The following CCDC192 variants were observed in gnomAD, a reference collection of about 807,000 sequenced individuals.
CCDC192 encodes the protein coiled-coil domain containing 192, also known as coiled-coil domain-containing protein 192.
chr5:127,732,943 G>T (rs1356985191), intron 2 of CCDC192, among the ~76,000 whole-genome samples: 1 of 152,066 alleles, frequency 6.6e-6, no homozygotes, highest in Non-Finnish European at 1.5e-5. Context: ...AATCACCATG[G>T]CACACGTTTA....
intron 2 of CCDC192, among the ~76,000 whole-genome samples, chr5:127,713,601 G>A (rs1751459736): frequency 6.6e-6 from 1 of 152,032 alleles, no homozygotes; most frequent in Non-Finnish European, 1.5e-5. Context: ...CATGGACCAC[G>A]CTTTGACATC....
chr5:127,719,044 C>G (rs1239391816), intron 2 of CCDC192, among the ~76,000 whole-genome samples: 1 of 152,000 alleles, frequency 6.6e-6, no homozygotes, highest in African/African-American at 2.4e-5. Flanking sequence ...CCTCACTTCC[C>G]CACACAGACC....
chr5:127,933,246 G>C (rs560187907), intron 6 of CCDC192, among the ~76,000 whole-genome samples: 3 of 152,316 alleles, frequency 2.0e-5, no homozygotes, highest in African/African-American at 7.2e-5. Context: ...ACGAAAAGTC[G>C]CTGGAGGATT....
chr5:127,716,065 T>C (rs1323996359), intron 2 of CCDC192, among the ~76,000 whole-genome samples: 1 of 152,218 alleles, frequency 6.6e-6, no homozygotes, highest in Admixed American at 6.5e-5. Flanking sequence ...AGATTCCTTC[T>C]ATACCAAATT....
At chr5:127,763,482 A>G (rs1258765100) in intron 3 of CCDC192, among the ~76,000 whole-genome samples, 4 of 152,082 alleles carry the variant, frequency 2.6e-5, no homozygotes, top group Non-Finnish European at 5.9e-5. Context: ...TACCTTCATT[A>G]TGGCCCTTGT....
At chr5:127,927,269 T>C (rs1753888223) in intron 6 of CCDC192, among the ~76,000 whole-genome samples, 1 of 152,164 alleles carries the variant, frequency 6.6e-6, no homozygotes, top group Non-Finnish European at 1.5e-5. Context: ...TTACAGTATG[T>C]TGTTATAACT....
chr5:127,750,209 G>A (rs1187928341), intron 2 of CCDC192, among the ~76,000 whole-genome samples: 1 of 152,034 alleles, frequency 6.6e-6, no homozygotes, highest in Non-Finnish European at 1.5e-5. Flanking sequence ...TGATGTTAGG[G>A]TGTCAATTTT....
chr5:127,722,916 C>T (rs1752107806), intron 2 of CCDC192, among the ~76,000 whole-genome samples: 1 of 152,088 alleles, frequency 6.6e-6, no homozygotes, highest in Admixed American at 6.5e-5. Flanking sequence ...GCTCTTTTTG[C>T]TCAGGGTATC....
intron 2 of CCDC192, among the ~76,000 whole-genome samples, chr5:127,731,999 G>A (rs1752664823): frequency 6.6e-6 from 1 of 152,102 alleles, no homozygotes; most frequent in African/African-American, 2.4e-5. Context: ...ATTGACAAAT[G>A]GGATCTAATT....
rs1561444752 is a variant in CCDC192 at position 127,719,480 on chromosome 5, T to TATATATATATATACACACACATAC, written c.114+11733_114+11734insCACACACATACATATATATATATA. 1.5e-4 allele frequency among the ~76,000 whole-genome samples: 8 copies of TATATATATATATACACACACATAC among 51,614 alleles called. 1 individual carries two copies. Among genetic ancestry groups the TATATATATATATACACACACATAC allele is most frequent in the African/African-American group, 4.8e-4 (8 of 16,550 alleles). The allele number at this position is 51,614 out of a possible 152,430, so 33.9% of individuals were successfully genotyped here. ...ACATATATATACAGACACATACATA[T>TATATATATATATACACACACATAC]ATATATATATATATACACACACATA... On this transcript the variant is annotated intron_variant, in intron 2 of 6. Coordinates refer to ENST00000514853, the MANE Select transcript of CCDC192 (RefSeq NM_001317938.2).
At chr5:127,930,879 T>TATTC (rs1282456395) in intron 6 of CCDC192, among the ~76,000 whole-genome samples, 2 of 152,232 alleles carry the variant, frequency 1.3e-5, no homozygotes, top group African/African-American at 2.4e-5. Flanking sequence ...CACAAGCCTA[T>TATTC]ATTCATTTTG....
intron 2 of CCDC192, among the ~76,000 whole-genome samples, chr5:127,719,556 T>C (rs1042678731): frequency 0.04 from 710 of 17,586 alleles, 39 homozygotes; most frequent in Middle Eastern, 0.32. Context: ...TATATATATA[T>C]ATACACACAT....
chr5:127,800,453 AT>A (rs1307404927), intron 5 of CCDC192, among the ~76,000 whole-genome samples: 1 of 144,012 alleles, frequency 6.9e-6, no homozygotes, highest in African/African-American at 2.5e-5. Context: ...AAATGGGTTT[AT>A]TTCCTGCAAG....
At chr5:127,768,304 C>A (rs1465398971) in intron 3 of CCDC192, among the ~76,000 whole-genome samples, 1 of 151,856 alleles carries the variant, frequency 6.6e-6, no homozygotes, top group African/African-American at 2.4e-5. Context: ...AGGATGGGCC[C>A]CTAATCTAAT....
At position 127,797,107 on chromosome 5, in the gene CCDC192, C is replaced by T. The variant is rs564791253; in HGVS notation, c.227C>T (p.Ser76Leu). Residue 76 changes from serine (S) to leucine (L), a missense_variant, in exon 4 of 7, where the codon TCA becomes TTA. By Grantham distance (145) the Ser-to-Leu change is moderately radical. Coordinates refer to ENST00000514853, the MANE Select transcript of CCDC192 (RefSeq NM_001317938.2). Reference sequence around the variant, plus strand: ...TTATAAAGAAAATATCTTTAGCTTTCAGTCTCTGAAGGAACAAAATCAAAA... The same window carrying T: ...TTATAAAGAAAATATCTTTAGCTTTTAGTCTCTGAAGGAACAAAATCAAAA... ...EKAKALSEQLSVSEGTKSKLL... is the reference protein window; with the variant it reads ...EKAKALSEQLLVSEGTKSKLL... 2.5e-6 allele frequency: 1 copy of T among 397,906 alleles called. No individual in the cohort carries two copies. Among genetic ancestry groups the T allele is most frequent in the Admixed American group, 4.4e-5 (1 of 22,720 alleles). 24.6% of individuals were successfully genotyped at this position (397,906 alleles called of 1,614,324 possible). A position where few individuals can be genotyped will look rare whatever the true frequency, so the allele number is the denominator to read the frequency against.
At chr5:127,929,864 A>C (rs1326420227) in intron 6 of CCDC192, among the ~76,000 whole-genome samples, 1 of 152,156 alleles carries the variant, frequency 6.6e-6, no homozygotes, top group East Asian at 1.9e-4. Context: ...AGGAAGAAAA[A>C]CTTGAAAAAG....
intron 5 of CCDC192, among the ~76,000 whole-genome samples, chr5:127,851,553 G>A (rs1387944603): frequency 1.3e-5 from 2 of 152,128 alleles, no homozygotes; most frequent in Non-Finnish European, 2.9e-5. Context: ...CACCTCCCAG[G>A]TTCAAGCGAT....
At chr5:127,756,473 AT>A (rs1245355424) in intron 3 of CCDC192, among the ~76,000 whole-genome samples, 1 of 152,086 alleles carries the variant, frequency 6.6e-6, no homozygotes, top group Non-Finnish European at 1.5e-5. Flanking sequence ...GGTTTTCTTA[AT>A]GTCTTCTGTT....
intron 5 of CCDC192, among the ~76,000 whole-genome samples, chr5:127,863,224 C>T (rs1458843778): frequency 1.3e-5 from 2 of 152,198 alleles, no homozygotes; most frequent in Non-Finnish European, 1.5e-5. Flanking sequence ...CAAGAAATGT[C>T]TTCTGCACAG....
Sources: gnomAD v4.1 joint callset for allele counts (sites outside exome capture counted in the v4.1 genomes callset) on GRCh38, gnomAD v4.1.1 for gene constraint, MANE v1.5 for transcripts, NCBI Gene and HGNC (gene_info 2026-07-23, HGNC 2026-07-21) for gene names.